The following ARMC2 variants were observed in gnomAD, a reference collection of about 807,000 sequenced individuals.
The protein encoded by ARMC2 is armadillo repeat containing 2, also known as armadillo repeat-containing protein 2.
ARMC2 carries 67 observed loss-of-function variants against 90.3 expected under a neutral mutation model. That is an observed-to-expected ratio of 0.74 (90% confidence interval 0.61 to 0.91). ARMC2 has a LOEUF of 0.91. Among genes scored for constraint, ARMC2 ranks in the 40% least tolerant of loss-of-function variants. ARMC2 has a pLI of 0.00. For synonymous variants in ARMC2, 393 were observed against 393.0 expected, an observed-to-expected ratio of 1.00 and a Z score of 0.00; for missense variants, 920 against 1,030.9, an observed-to-expected ratio of 0.89 and a Z score of 1.47.
the ARMC2 span, among the ~76,000 whole-genome samples, chr6:109,011,949 CTGCATCTATCAT>C: frequency 3.9e-5 from 6 of 152,180 alleles, no homozygotes; most frequent in African/African-American, 1.4e-4. Context: ...ATTAATTAAC[CTGCATCTATCAT>C]TGTGCAGATT....
the ARMC2 span, among the ~76,000 whole-genome samples, chr6:109,008,020 G>C: frequency 1.3e-5 from 2 of 152,080 alleles, no homozygotes; most frequent in Non-Finnish European, 2.9e-5. Flanking sequence ...TCCTTCCTAA[G>C]TTATCTTCTC....
intron 8 of ARMC2, 30 bp downstream of exon 8, chr6:108,904,435 A>G (rs1195542772): frequency 1.3e-6 from 2 of 1,534,930 alleles, no homozygotes; most frequent in East Asian, 2.3e-5. Flanking sequence ...GGTCTAGTAG[A>G]CTATATCACA....
chr6:109,009,568 C>G, the ARMC2 span: 1 of 1,104,602 alleles, frequency 9.1e-7, no homozygotes, highest in Non-Finnish European at 1.1e-6. Context: ...GGGGGCGGGG[C>G]GGCGCCGACA....
At chr6:108,998,281 C>T in the ARMC2 span, among the ~76,000 whole-genome samples, 2 of 152,128 alleles carry the variant, frequency 1.3e-5, no homozygotes, top group Non-Finnish European at 2.9e-5. Flanking sequence ...ATGTAAACTC[C>T]TACAGGGTCT....
intron 15 of ARMC2, 98 bp downstream of exon 15, chr6:108,962,225 C>T: frequency 2.0e-6 from 2 of 996,120 alleles, no homozygotes; most frequent in Non-Finnish European, 3.0e-6. Context: ...ATACTTGTTT[C>T]CGTTTTGAGA....
intron 12 of ARMC2, 47 bp downstream of exon 12, chr6:108,937,046 G>T (rs1176606130): frequency 7.0e-7 from 1 of 1,421,054 alleles, no homozygotes; most frequent in Non-Finnish European, 9.7e-7. Flanking sequence ...TTACACTAAT[G>T]TGTTTGTGTA....
chr6:108,884,961 G>T (rs1430407007), intron 5 of ARMC2, among the ~76,000 whole-genome samples: 1 of 152,202 alleles, frequency 6.6e-6, no homozygotes, highest in East Asian at 1.9e-4. Flanking sequence ...GAAGAGGCCA[G>T]TCACAGCCAC....
At chr6:108,853,506 G>A (rs377270495) in intron 1 of ARMC2, among the ~76,000 whole-genome samples, 6 of 152,070 alleles carry the variant, frequency 3.9e-5, no homozygotes, top group African/African-American at 1.4e-4. Context: ...AACACCTAAT[G>A]CTATATACTC....
intron 2 of ARMC2, among the ~76,000 whole-genome samples, chr6:108,854,689 C>T (rs1039343769): frequency 1.3e-5 from 2 of 152,302 alleles, no homozygotes; most frequent in African/African-American, 2.4e-5. Context: ...TATGACCATC[C>T]CCCACCAGAG....
intron 11 of ARMC2, among the ~76,000 whole-genome samples, chr6:108,928,686 C>T (rs972846000): frequency 2.0e-5 from 3 of 152,118 alleles, no homozygotes; most frequent in Non-Finnish European, 4.4e-5. Flanking sequence ...CTCAAGCTTT[C>T]ACTAGTCAAG....
At chr6:108,985,903 ATTC>A in the ARMC2 span, among the ~76,000 whole-genome samples, 1 of 152,220 alleles carries the variant, frequency 6.6e-6, no homozygotes, top group African/African-American at 2.4e-5. Flanking sequence ...ATAATACTCT[ATTC>A]CTAGCTAAGG....
intron 9 of ARMC2, among the ~76,000 whole-genome samples, chr6:108,911,213 C>A: frequency 6.6e-6 from 1 of 152,182 alleles, no homozygotes; most frequent in East Asian, 1.9e-4. Context: ...TCCTTCAACA[C>A]CTGTAGTAAC....
chr6:108,900,380 G>A (rs1006342649), intron 7 of ARMC2, among the ~76,000 whole-genome samples: 4 of 151,956 alleles, frequency 2.6e-5, no homozygotes, highest in African/African-American at 9.7e-5. Flanking sequence ...CGTGTCATGG[G>A]ATGGCCCTCC....
intron 5 of ARMC2, among the ~76,000 whole-genome samples, chr6:108,877,406 A>G (rs1188963138): frequency 6.6e-6 from 1 of 152,204 alleles, no homozygotes; most frequent in African/African-American, 2.4e-5. Context: ...ATATTAAGCA[A>G]TCTAGTAGTC....
At chr6:108,961,468 C>T (rs916639174) in intron 13 of ARMC2, 104 bp from the exon 14 acceptor site, 67 of 1,300,266 alleles carry the variant, frequency 5.2e-5, no homozygotes, top group Non-Finnish European at 6.4e-5. Context: ...AGGGACCCTG[C>T]GTGATCGCAG....
chr6:108,893,121 TA>T (rs1771257894), intron 5 of ARMC2, among the ~76,000 whole-genome samples: 1 of 152,260 alleles, frequency 6.6e-6, no homozygotes, highest in Non-Finnish European at 1.5e-5. Context: ...AGAGAAGCTG[TA>T]TCCTTCAGAG....
intron 3 of ARMC2, among the ~76,000 whole-genome samples, 157 bp from the exon 4 acceptor site, chr6:108,868,667 T>C (rs561666849): frequency 1.1e-4 from 16 of 152,328 alleles, no homozygotes; most frequent in African/African-American, 1.9e-4. Context: ...TATCACATTA[T>C]GTAAGATGGG....
At chr6:108,997,864 C>T in the ARMC2 span, among the ~76,000 whole-genome samples, 8 of 152,076 alleles carry the variant, frequency 5.3e-5, no homozygotes, top group African/African-American at 1.9e-4. Flanking sequence ...TCATCATATA[C>T]AGGAATTAAA....
the ARMC2 span, among the ~76,000 whole-genome samples, chr6:109,009,850 G>C: frequency 3.4e-3 from 524 of 152,180 alleles, 2 homozygotes; most frequent in African/African-American, 0.012. Flanking sequence ...CAGGGACAGG[G>C]GAATCTGCCC....
Sources: gnomAD v4.1 joint callset for allele counts (sites outside exome capture counted in the v4.1 genomes callset) on GRCh38, gnomAD v4.1.1 for gene constraint, MANE v1.5 for transcripts, NCBI Gene and HGNC (gene_info 2026-07-23, HGNC 2026-07-21) for gene names.